The following DPP10 variants were observed in gnomAD, a reference collection of about 807,000 sequenced individuals.
DPP10 encodes the protein inactive dipeptidyl peptidase 10.
A neutral mutation model predicts 120.9 loss-of-function variants in DPP10; 33 were observed. That is an observed-to-expected ratio of 0.27 (90% CI 0.21 to 0.37). DPP10 has a LOEUF of 0.37. DPP10 is among the 10% of genes least tolerant of loss of function. The probability of loss-of-function intolerance (pLI) is 1.00; values close to 1 mark genes in which losing one functional copy is unlikely to be tolerated. For missense variants in DPP10, 816 were observed against 942.8 expected (o/e 0.87, Z 1.76); for synonymous variants, 337 against 326.1 (o/e 1.03, Z -0.36).
chr2:115,755,802 T>C (rs1171339150), intron 11 of DPP10, among the ~76,000 whole-genome samples: 1 of 152,010 alleles, frequency 6.6e-6, no homozygotes, highest in African/African-American at 2.4e-5. Context: ...GCATCTGATG[T>C]TTACTGCAGC....
chr2:114,981,530 C>T (rs1700090937), intron 1 of DPP10, among the ~76,000 whole-genome samples: 1 of 152,142 alleles, frequency 6.6e-6, no homozygotes, highest in African/African-American at 2.4e-5. Flanking sequence ...TCTAAATAGT[C>T]TACTACTGGG....
chr2:115,791,153 T>A lies in DPP10; in HGVS notation c.1604T>A (p.Ile535Asn). ...AAGAAGAAGATAGGAAAGCCAGAAA[T>A]TAAAATCCTTCATATTGACGACTAT... Reference protein sequence around the residue: ...ILKKKIGKPEIKILHIDDYEL... With the variant: ...ILKKKIGKPENKILHIDDYEL... The change falls in exon 18 of 26, where the codon ATT becomes AAT. Residue 535 changes from isoleucine to asparagine, a missense_variant. This residue lies in a region of DPP10 where 592 missense variants were observed against 649.0 expected (regional missense o/e 0.91). Coordinates refer to ENST00000410059, the MANE Select transcript of DPP10 (RefSeq NM_020868.6). The A allele has an allele frequency of 6.2e-7, 1 of 1,613,624 alleles. No individual in the cohort carries two copies. The highest frequency in any genetic ancestry group is 8.5e-7 in the Non-Finnish European group (1 of 1,179,766).
intron 1 of DPP10, among the ~76,000 whole-genome samples, chr2:114,653,009 A>AG (rs1696711199): frequency 7.2e-6 from 1 of 138,210 alleles, no homozygotes; most frequent in Non-Finnish European, 1.5e-5. Context: ...AGAGAGAGAG[A>AG]AAGAGAGAGA....
intron 1 of DPP10, among the ~76,000 whole-genome samples, chr2:114,473,333 G>A (rs1347400841): frequency 6.6e-6 from 1 of 152,108 alleles, no homozygotes; most frequent in African/African-American, 2.4e-5. Flanking sequence ...TAATAATGGT[G>A]CCCCTGAAAA....
intron 3 of DPP10, among the ~76,000 whole-genome samples, chr2:115,405,332 T>C (rs749241005): frequency 7.9e-5 from 12 of 152,288 alleles, no homozygotes; most frequent in Non-Finnish European, 1.8e-4. Context: ...CATGTACCTT[T>C]TCCTGGGCAC....
intron 1 of DPP10, among the ~76,000 whole-genome samples, chr2:115,040,301 A>G (rs1393853542): frequency 6.6e-6 from 1 of 151,928 alleles, no homozygotes; most frequent in Non-Finnish European, 1.5e-5. Flanking sequence ...CTGTGGGTAA[A>G]GTCCTTCTTC....
At chr2:115,534,047 C>A (rs1418035451) in intron 5 of DPP10, among the ~76,000 whole-genome samples, 1 of 151,912 alleles carries the variant, frequency 6.6e-6, no homozygotes, top group Non-Finnish European at 1.5e-5. Flanking sequence ...GTGAAAGTTA[C>A]TAATGTATTT....
At chr2:115,086,714 C>T (rs886070366) in intron 1 of DPP10, among the ~76,000 whole-genome samples, 1 of 152,088 alleles carries the variant, frequency 6.6e-6, no homozygotes, top group Non-Finnish European at 1.5e-5. Flanking sequence ...CCTCGGCCTC[C>T]CAAAGTGCTG....
At chr2:115,118,830 G>C (rs953293380) in intron 1 of DPP10, among the ~76,000 whole-genome samples, 1 of 151,366 alleles carries the variant, frequency 6.6e-6, no homozygotes, top group Non-Finnish European at 1.5e-5. Context: ...GGCCAGGCTG[G>C]TCACAAACTC....
chr2:114,886,996 A>G (rs12479032), intron 1 of DPP10, among the ~76,000 whole-genome samples: 56,929 of 152,052 alleles, frequency 0.37, 11,980 homozygotes, highest in South Asian at 0.55. Flanking sequence ...ATTATTTGTT[A>G]TATTTTGCTT....
intron 1 of DPP10, among the ~76,000 whole-genome samples, chr2:115,249,748 C>G (rs903625101): frequency 6.6e-6 from 1 of 152,006 alleles, no homozygotes; most frequent in Non-Finnish European, 1.5e-5. Context: ...GATTTTCTTC[C>G]TCAAAATGAT....
chr2:115,472,342 T>C (rs1216664134), intron 3 of DPP10, among the ~76,000 whole-genome samples: 1 of 152,176 alleles, frequency 6.6e-6, no homozygotes, highest in African/African-American at 2.4e-5. Flanking sequence ...AGAAGTCGAA[T>C]ATGAACTAAA....
chr2:114,751,130 G>T (rs1480447610), intron 1 of DPP10, among the ~76,000 whole-genome samples: 1 of 152,214 alleles, frequency 6.6e-6, no homozygotes, highest in African/African-American at 2.4e-5. Flanking sequence ...TGTGGAAATG[G>T]CAAAGAGGTT....
At chr2:115,381,409 C>A (rs556779446) in intron 3 of DPP10, among the ~76,000 whole-genome samples, 1 of 152,286 alleles carries the variant, frequency 6.6e-6, no homozygotes, top group African/African-American at 2.4e-5. Flanking sequence ...TCCATCAGCT[C>A]CTTTAAGCAC....
chr2:115,008,467 TA>T (rs1384369519), intron 1 of DPP10, among the ~76,000 whole-genome samples: 3 of 134,704 alleles, frequency 2.2e-5, no homozygotes, highest in African/African-American at 7.8e-5. Flanking sequence ...CCTAAAACCA[TA>T]AAAACCCTAG....
rs1679850573 is a variant in DPP10 at position 114,757,256 on chromosome 2, GAAGA to G, written c.60+314419_60+314422del. ...GAGGGAGGAAGGAAGGAAAGAAAGG[GAAGA>G]GGGAGAAAGGAAGGAAAGAATGGGG... On this transcript the variant is annotated intron_variant, in intron 1 of 25. Transcript: ENST00000410059. 3.8e-5 allele frequency among the ~76,000 whole-genome samples: 5 copies of G among 132,792 alleles called. No homozygotes were observed. In the South Asian group the frequency reaches 8.2e-4, roughly 22 times the overall value. The allele number at this position is 132,792 out of a possible 152,430, so 87.1% of individuals were successfully genotyped here. A position where few individuals can be genotyped will look rare whatever the true frequency, so the allele number is the denominator to read the frequency against.
At chr2:114,923,395 GC>G (rs1695347060) in intron 1 of DPP10, among the ~76,000 whole-genome samples, 1 of 150,954 alleles carries the variant, frequency 6.6e-6, no homozygotes, top group African/African-American at 2.4e-5. Context: ...TGTTGGCCAG[GC>G]TGGTCTCTAT....
At chr2:114,879,144 T>C (rs1691400676) in intron 1 of DPP10, among the ~76,000 whole-genome samples, 1 of 151,990 alleles carries the variant, frequency 6.6e-6, no homozygotes, top group African/African-American at 2.4e-5. Flanking sequence ...CTTTTTTTTT[T>C]TTCATTTTTT....
intron 1 of DPP10, among the ~76,000 whole-genome samples, chr2:114,848,558 T>G (rs186348145): frequency 1.3e-5 from 2 of 152,220 alleles, no homozygotes; most frequent in East Asian, 3.9e-4. Flanking sequence ...AAACTGATAT[T>G]TCACATTTTT....
Sources: allele counts gnomAD v4.1 joint callset (sites outside exome capture counted in the v4.1 genomes callset), GRCh38; gene constraint gnomAD v4.1.1; regional missense constraint gnomAD v4.1.1; transcripts MANE v1.5; gene names NCBI Gene and HGNC (gene_info 2026-07-23, HGNC 2026-07-21).